LAMA4: variants seen among roughly 807,000 people sequenced by gnomAD.
The protein encoded by LAMA4 is laminin subunit alpha 4, also known as laminin subunit alpha-4.
LAMA4 carries 127 observed loss-of-function variants against 207.1 expected under a neutral mutation model. The ratio of observed to expected loss-of-function variants is 0.61; its 90% CI spans 0.53 to 0.71. The LOEUF (loss-of-function observed/expected upper bound fraction) is 0.71. Ranked by LOEUF, LAMA4 falls within the 30% of genes least tolerant of loss-of-function variation. The pLI, the probability that LAMA4 is intolerant of heterozygous loss-of-function variation, is 0.00. For missense variants in LAMA4, 2,093 were observed against 2,246.5 expected (o/e 0.93, Z 1.38); for synonymous variants, 761 against 816.0 (o/e 0.93, Z 1.15).
intron 5 of LAMA4, among the ~76,000 whole-genome samples, chr6:112,192,626 A>T (rs781831460): frequency 6.6e-6 from 1 of 152,218 alleles, no homozygotes; most frequent in Non-Finnish European, 1.5e-5. Flanking sequence ...GCCTATGGTC[A>T]GGCTGGCTGG....
At chr6:112,217,552 A>C (rs564950562) in intron 2 of LAMA4, 1 of 152,302 alleles carries the variant, frequency 6.6e-6, no homozygotes, top group East Asian at 1.9e-4. Flanking sequence ...ATTGCTATGC[A>C]AACCTATTTC....
intron 9 of LAMA4, chr6:112,179,106 A>G (rs1782194546): frequency 6.6e-6 from 1 of 152,166 alleles, no homozygotes; most frequent in African/African-American, 2.4e-5. Flanking sequence ...TAACTGCTCA[A>G]GCAGATTTGG....
At chr6:112,232,098 C>A (rs1785602530) in intron 2 of LAMA4, among the ~76,000 whole-genome samples, 1 of 152,140 alleles carries the variant, frequency 6.6e-6, no homozygotes, top group African/African-American at 2.4e-5. Flanking sequence ...AGGCTAAAAT[C>A]CAAGTATTTC....
chr6:112,199,948 T>G (rs1783636431), intron 5 of LAMA4, among the ~76,000 whole-genome samples: 1 of 152,206 alleles, frequency 6.6e-6, no homozygotes, highest in Admixed American at 6.5e-5. Flanking sequence ...TCCGCTTGGC[T>G]CTTCCTTCCC....
intron 6 of LAMA4, among the ~76,000 whole-genome samples, chr6:112,190,926 T>C (rs1482898983): frequency 1.3e-4 from 12 of 93,612 alleles, no homozygotes; most frequent in Non-Finnish European, 2.4e-4. Flanking sequence ...TTTCTTTCTT[T>C]CTTTCTTTCT....
At chr6:112,193,492 T>G (rs1474290309) in intron 5 of LAMA4, among the ~76,000 whole-genome samples, 1 of 152,128 alleles carries the variant, frequency 6.6e-6, no homozygotes. Context: ...ATCACATCTG[T>G]AATCCCAGGA....
intron 5 of LAMA4, among the ~76,000 whole-genome samples, chr6:112,194,200 A>C (rs534617338): frequency 1.3e-5 from 2 of 152,334 alleles, no homozygotes; most frequent in South Asian, 4.1e-4. Context: ...CAAACAGAGA[A>C]TATTAGGCTC....
rs373682270 is a variant in LAMA4, at chr6:112,154,950, A to G, written c.1960-3T>C. 3.6e-5 allele frequency: 58 copies of G among 1,597,122 alleles called. No individual in the cohort carries two copies. Among genetic ancestry groups the G allele is most frequent in the South Asian group, 5.5e-5 (5 of 90,718 alleles). On this transcript the variant is annotated splice_polypyrimidine_tract_variant and splice_region_variant and intron_variant, in intron 15 of 38. Transcript: ENST00000230538. ...TGAGTATCAATCCCACTCACCGCCT[A>G]CAAAGGAATTGAGAGAAGAGGGTAA...
chr6:112,159,963 T>A (rs1451799085), intron 13 of LAMA4, among the ~76,000 whole-genome samples: 3 of 152,136 alleles, frequency 2.0e-5, no homozygotes, highest in Non-Finnish European at 2.9e-5. Flanking sequence ...AGAACCCCCA[T>A]CTAAGCCTTA....
chr6:112,114,241 G>GAAA, intron 37 of LAMA4, 46 bp from the exon 38 acceptor site: 1 of 1,600,274 alleles, frequency 6.2e-7, no homozygotes, highest in Non-Finnish European at 8.6e-7. Context: ...CTGGAGTGAT[G>GAAA]AATTTTTAAC....
intron 19 of LAMA4, among the ~76,000 whole-genome samples, chr6:112,143,611 A>T (rs1276736564): frequency 1.3e-5 from 2 of 152,180 alleles, no homozygotes; most frequent in Non-Finnish European, 2.9e-5. Flanking sequence ...ATAAACAAGC[A>T]GTGTGGGGGA....
In LAMA4 at chr6:112,216,459, G is replaced by A. The variant is rs2115060293; in HGVS notation, c.206C>T (p.Ala69Val). The A allele has an allele frequency of 6.2e-7, 1 of 1,612,270 alleles. No individual in the cohort carries two copies. The highest frequency in any genetic ancestry group is 8.5e-7 in the Non-Finnish European group (1 of 1,178,288). Residue 69 changes from alanine (A) to valine (V), a missense_variant, in exon 3 of 39, where the codon GCT (alanine) becomes GTT (valine). Around this residue, in one of 3 missense-constraint regions of LAMA4, gnomAD observed 1,704 missense variants for 1,788.4 expected, o/e 0.95. Coordinates refer to ENST00000230538, the MANE Select transcript of LAMA4 (RefSeq NM_001105206.3). ...TCCCGACAGGGTGTGAAAGAATCCA[G>A]CATTGCATTTCTGCAACAGACACAC... ...RLPPAAEKCNAGFFHTLSGEC... is the reference protein window; with the variant it reads ...RLPPAAEKCNVGFFHTLSGEC...
intron 2 of LAMA4, chr6:112,217,571 T>A (rs1416365928): frequency 6.6e-6 from 1 of 152,154 alleles, no homozygotes; most frequent in Non-Finnish European, 1.5e-5. Context: ...TCCCCTTGCT[T>A]TTTACTCTGT....
chr6:112,205,945 C>T (rs553095932), intron 4 of LAMA4, among the ~76,000 whole-genome samples: 1 of 152,232 alleles, frequency 6.6e-6, no homozygotes, highest in Non-Finnish European at 1.5e-5. Flanking sequence ...GTTGGTGACA[C>T]GTGGAGGTGC....
At chr6:112,151,440 C>T (rs1780397113) in intron 16 of LAMA4, among the ~76,000 whole-genome samples, 1 of 152,070 alleles carries the variant, frequency 6.6e-6, no homozygotes, top group African/African-American at 2.4e-5. Flanking sequence ...TTAATTAATA[C>T]TGAATTAAAT....
At chr6:112,244,039 C>T (rs1207909038) in intron 2 of LAMA4, among the ~76,000 whole-genome samples, 4 of 152,142 alleles carry the variant, frequency 2.6e-5, no homozygotes, top group Non-Finnish European at 5.9e-5. Flanking sequence ...GCCTGGGCAA[C>T]AGAGCTCTGC....
At chr6:112,196,233 T>G (rs1783410529) in intron 5 of LAMA4, among the ~76,000 whole-genome samples, 1 of 152,140 alleles carries the variant, frequency 6.6e-6, no homozygotes, top group African/African-American at 2.4e-5. Context: ...TTATTAACTA[T>G]ATTCACCCTA....
At chr6:112,148,637 G>A (rs1780180469) in intron 17 of LAMA4, among the ~76,000 whole-genome samples, 1 of 152,022 alleles carries the variant, frequency 6.6e-6, no homozygotes, top group African/African-American at 2.4e-5. Flanking sequence ...TGTCTTTTAT[G>A]AAAAAGTAGG....
chr6:112,227,212 A>G (rs1397739893), intron 2 of LAMA4, among the ~76,000 whole-genome samples: 1 of 152,086 alleles, frequency 6.6e-6, no homozygotes, highest in African/African-American at 2.4e-5. Context: ...CTGGGATTAC[A>G]GGCACCTGCC....
Sources: gnomAD v4.1 joint callset for allele counts (sites outside exome capture counted in the v4.1 genomes callset) on GRCh38, gnomAD v4.1.1 for gene constraint, gnomAD v4.1.1 regional missense constraint, MANE v1.5 for transcripts, NCBI Gene and HGNC (gene_info 2026-07-23, HGNC 2026-07-21) for gene names.